Variants in COL22A1 observed in about 807,000 individuals in gnomAD.
COL22A1 encodes the protein collagen type XXII alpha 1 chain.
Under a neutral mutation model 248.9 loss-of-function variants are expected in COL22A1, and 221 were observed. That is an observed-to-expected ratio of 0.89 (90% CI 0.80 to 0.99). The LOEUF (loss-of-function observed/expected upper bound fraction) is 0.99. Among genes scored for constraint, COL22A1 ranks in the 50% least tolerant of loss-of-function variants. The pLI, the probability that COL22A1 is intolerant of heterozygous loss-of-function variation, is 0.00. For synonymous variants in COL22A1, 891 were observed against 793.4 expected (o/e 1.12, Z -2.07); for missense variants, 2,240 against 2,179.0 (o/e 1.03, Z -0.56).
intron 1 of COL22A1, among the ~76,000 whole-genome samples, chr8:138,906,367 C>G (rs1405788051): frequency 8.7e-5 from 1 of 11,452 alleles, no homozygotes; most frequent in Admixed American, 7.9e-4. Flanking sequence ...ATGACTCCGT[C>G]TCAAAAAAAA....
intron 42 of COL22A1, among the ~76,000 whole-genome samples, chr8:138,663,130 A>G (rs1824132461): frequency 6.6e-6 from 1 of 152,202 alleles, no homozygotes; most frequent in Non-Finnish European, 1.5e-5. Flanking sequence ...CCCACTTGCT[A>G]CAATGCAGCT....
chr8:138,601,404 C>A (rs1012161581), intron 60 of COL22A1, among the ~76,000 whole-genome samples: 1 of 152,084 alleles, frequency 6.6e-6, no homozygotes, highest in Non-Finnish European at 1.5e-5. Context: ...GAGATAAATT[C>A]TTTTCAGGAC....
chr8:138,757,892 C>G (rs1393872802), intron 18 of COL22A1, among the ~76,000 whole-genome samples: 1 of 152,186 alleles, frequency 6.6e-6, no homozygotes, highest in Non-Finnish European at 1.5e-5. Context: ...CCACGACGGT[C>G]CCCCGTAGTC....
At chr8:138,694,067 C>T (rs188024939) in intron 34 of COL22A1, among the ~76,000 whole-genome samples, 3 of 152,210 alleles carry the variant, frequency 2.0e-5, no homozygotes, top group Non-Finnish European at 2.9e-5. Context: ...AGGCAAACAC[C>T]GAGCAAAATG....
At chr8:138,762,588 G>GCACACACA (rs5895560) in intron 16 of COL22A1, 122 bp from the exon 17 acceptor site, 46 of 551,226 alleles carry the variant, frequency 8.3e-5, no homozygotes, top group African/African-American at 7.3e-4. Context: ...AAACGCACGT[G>GCACACACA]CACACACACA....
intron 12 of COL22A1, among the ~76,000 whole-genome samples, chr8:138,786,327 CT>C (rs1228286077): frequency 6.6e-6 from 1 of 152,026 alleles, no homozygotes; most frequent in Non-Finnish European, 1.5e-5. Flanking sequence ...CTTTTTGAAT[CT>C]TTTTTTACAT....
chr8:138,818,460 C>T (rs1247050017), intron 7 of COL22A1, among the ~76,000 whole-genome samples: 3 of 152,196 alleles, frequency 2.0e-5, no homozygotes, highest in Non-Finnish European at 4.4e-5. Context: ...CTTATTGTGT[C>T]ATAAATACCC....
At position 138,623,780 on chromosome 8, in the gene COL22A1, T is replaced by C; in HGVS notation, c.3723A>G (p.Glu1241=). ...GPSGLPGIPG[E]EGKEGRDGKP... ...TTCCATCTCTGCCCTCTTTGCCTTC[T>C]TCTCCCTGCAAGAGAAACTCAAATT... The change falls in exon 52 of 65, where the codon GAA becomes GAG. Residue 1241 remains glutamate (E), a synonymous_variant. Transcript: ENST00000303045. The C allele has an allele frequency of 6.2e-7, 1 of 1,612,898 alleles. No individual in the cohort carries two copies. Among genetic ancestry groups the C allele is most frequent in the South Asian group, 1.1e-5 (1 of 90,910 alleles).
chr8:138,815,650 T>C (rs551821930), intron 7 of COL22A1, among the ~76,000 whole-genome samples: 72 of 152,248 alleles, frequency 4.7e-4, no homozygotes, highest in African/African-American at 1.6e-3. Context: ...CTTAGCTCAG[T>C]TTTTTAAACA....
chr8:138,664,205 G>A (rs916254298), intron 41 of COL22A1, among the ~76,000 whole-genome samples: 6 of 97,000 alleles, frequency 6.2e-5, no homozygotes, highest in South Asian at 4.4e-4. Flanking sequence ...GCGCGCGCGC[G>A]CGCGCACACA....
At chr8:138,775,071 AG>A (rs1285610779) in intron 16 of COL22A1, among the ~76,000 whole-genome samples, 5 of 152,230 alleles carry the variant, frequency 3.3e-5, no homozygotes, top group Non-Finnish European at 7.3e-5. Flanking sequence ...TTGAAGAACA[AG>A]TTCCTATGGA....
chr8:138,711,868 G>T (rs115612801), intron 30 of COL22A1, among the ~76,000 whole-genome samples: 1 of 152,174 alleles, frequency 6.6e-6, no homozygotes, highest in Non-Finnish European at 1.5e-5. Flanking sequence ...CAGGCCTAGC[G>T]TGTGGCATTC....
chr8:138,815,314 G>C (rs1310467334), intron 7 of COL22A1, among the ~76,000 whole-genome samples: 1 of 152,122 alleles, frequency 6.6e-6, no homozygotes, highest in African/African-American at 2.4e-5. Flanking sequence ...TTCCTTCCAG[G>C]CTCCAGGACT....
intron 3 of COL22A1, among the ~76,000 whole-genome samples, chr8:138,855,206 G>A (rs1821926444): frequency 6.6e-6 from 1 of 152,234 alleles, no homozygotes; most frequent in East Asian, 1.9e-4. Context: ...TGCTTATTAT[G>A]TGACAACCAT....
intron 16 of COL22A1, among the ~76,000 whole-genome samples, chr8:138,764,580 C>G (rs538847961): frequency 6.6e-6 from 1 of 152,378 alleles, no homozygotes; most frequent in Non-Finnish European, 1.5e-5. Flanking sequence ...TAAACTTAAT[C>G]CTACATGTTT....
intron 3 of COL22A1, among the ~76,000 whole-genome samples, chr8:138,852,118 G>A (rs896995330): frequency 1.3e-5 from 2 of 152,162 alleles, no homozygotes; most frequent in Admixed American, 1.3e-4. Flanking sequence ...ACACATGGCT[G>A]GAACAGTTCA....
At chr8:138,703,419 C>T in intron 30 of COL22A1, 72 bp from the exon 31 acceptor site, 1 of 1,400,518 alleles carries the variant, frequency 7.1e-7, no homozygotes, top group Non-Finnish European at 1.0e-6. Context: ...AACAGATCAG[C>T]TAACACTATT....
chr8:138,604,358 C>G (rs562519063), intron 59 of COL22A1, among the ~76,000 whole-genome samples: 1 of 152,298 alleles, frequency 6.6e-6, no homozygotes, highest in South Asian at 2.1e-4. Flanking sequence ...ATTAGAGGAT[C>G]ACTGCAGTGT....
chr8:138,692,454 T>TGCACGTAC (rs1349776423), intron 35 of COL22A1, among the ~76,000 whole-genome samples: 11 of 142,528 alleles, frequency 7.7e-5, no homozygotes, highest in Non-Finnish European at 1.5e-5. Context: ...GAGGTGTGTG[T>TGCACGTAC]GTGAGTGCAT....
Sources: gnomAD v4.1 joint callset for allele counts (sites outside exome capture counted in the v4.1 genomes callset) on GRCh38, gnomAD v4.1.1 for gene constraint, MANE v1.5 for transcripts, NCBI Gene and HGNC (gene_info 2026-07-23, HGNC 2026-07-21) for gene names.